Variants in ASCC3 observed in about 807,000 individuals in gnomAD.
ASCC3 encodes the protein activating signal cointegrator 1 complex subunit 3, also known as ASC-1 complex subunit P200.
Under a neutral mutation model 256.3 loss-of-function variants are expected in ASCC3, and 158 were observed. That is an observed-to-expected ratio of 0.62 (90% confidence interval 0.54 to 0.70). The LOEUF (loss-of-function observed/expected upper bound fraction) is 0.70. Among genes scored for constraint, ASCC3 ranks in the 30% least tolerant of loss-of-function variants. The pLI is 0.00. For synonymous variants in ASCC3, 948 were observed against 883.4 expected (o/e 1.07, Z -1.30); for missense variants, 2,259 against 2,626.0 (o/e 0.86, Z 3.05).
At chr6:100,720,779 T>C (rs192012680) in intron 11 of ASCC3, among the ~76,000 whole-genome samples, 135 of 150,346 alleles carry the variant, frequency 9.0e-4, no homozygotes, top group Middle Eastern at 7.1e-3. Context: ...GATTACAATA[T>C]ACAGATGACA....
chr6:100,559,473 T>C (rs1231978067), intron 36 of ASCC3, among the ~76,000 whole-genome samples: 1 of 152,200 alleles, frequency 6.6e-6, no homozygotes. Flanking sequence ...AAGGAGTTAA[T>C]ATTTTTTTGT....
intron 36 of ASCC3, among the ~76,000 whole-genome samples, chr6:100,583,156 G>C (rs945828087): frequency 6.6e-6 from 1 of 152,180 alleles, no homozygotes; most frequent in Non-Finnish European, 1.5e-5. Flanking sequence ...GTTTCAGAAG[G>C]AATGGTACCA....
At chr6:100,829,467 C>T (rs1005901792) in intron 4 of ASCC3, among the ~76,000 whole-genome samples, 1 of 152,114 alleles carries the variant, frequency 6.6e-6, no homozygotes, top group East Asian at 1.9e-4. Context: ...TGGCGGGGCT[C>T]GCCAGCCGTT....
chr6:100,828,663 G>C (rs1266771813), intron 4 of ASCC3, among the ~76,000 whole-genome samples: 1 of 152,148 alleles, frequency 6.6e-6, no homozygotes, highest in Non-Finnish European at 1.5e-5. Context: ...TTAAGGCGGT[G>C]CATCTGGAGT....
rs201240177 is a variant in ASCC3 at position 100,607,010 on chromosome 6, C to A, written c.4864G>T (p.Gly1622Ter). 11 of 1,613,632 alleles carry A rather than the reference C, an allele frequency of 6.8e-6. No individual in the cohort carries two copies. In the East Asian group the frequency reaches 2.5e-4, roughly 36 times the overall value. Residue 1622 changes from glycine (G) to a stop codon, truncating the protein, a stop_gained, in exon 31 of 42, where the codon GGA (glycine) becomes TGA (stop). Transcript: ENST00000369162. LOFTEE classifies it high-confidence loss of function. ...GTTTTTCGGTCCCTCTCATGTAGTCCAGCATGATGCATTCCTATCCCGAAA... is the reference window on the plus strand; with the variant it reads ...GTTTTTCGGTCCCTCTCATGTAGTCAAGCATGATGCATTCCTATCCCGAAA... Reference protein sequence around the residue: ...LAFGIGMHHAGLHERDRKTVE... With the variant: ...LAFGIGMHHA
intron 37 of ASCC3, among the ~76,000 whole-genome samples, chr6:100,532,830 A>C (rs1233862875): frequency 6.6e-6 from 1 of 152,176 alleles, no homozygotes; most frequent in Non-Finnish European, 1.5e-5. Flanking sequence ...CAAAAGAAAA[A>C]TCTGAAAATT....
At chr6:100,684,963 C>T (rs912481715) in intron 13 of ASCC3, among the ~76,000 whole-genome samples, 39 of 151,972 alleles carry the variant, frequency 2.6e-4, no homozygotes, top group African/African-American at 7.0e-4. Flanking sequence ...CCCGCCACCA[C>T]GCCCGGCTAA....
chr6:100,678,365 G>A (rs1777133444), intron 14 of ASCC3, among the ~76,000 whole-genome samples: 2 of 151,978 alleles, frequency 1.3e-5, no homozygotes, highest in Non-Finnish European at 2.9e-5. Flanking sequence ...TAAATAATTG[G>A]AAGGACACAA....
At chr6:100,510,472 T>A (rs1773706362) in intron 40 of ASCC3, among the ~76,000 whole-genome samples, 1 of 152,180 alleles carries the variant, frequency 6.6e-6, no homozygotes, top group Admixed American at 6.6e-5. Context: ...ATAACCATGT[T>A]AATCAAATCT....
chr6:100,518,743 CA>C (rs970689722), intron 37 of ASCC3, among the ~76,000 whole-genome samples: 3 of 152,018 alleles, frequency 2.0e-5, no homozygotes, highest in Non-Finnish European at 4.4e-5. Context: ...TATGGACAAA[CA>C]AAAGGCTGCA....
chr6:100,710,845 T>TA (rs1778821992), intron 13 of ASCC3, among the ~76,000 whole-genome samples: 1 of 152,148 alleles, frequency 6.6e-6, no homozygotes, highest in Non-Finnish European at 1.5e-5. Context: ...GCTAGAGTCA[T>TA]ATAACAAATA....
chr6:100,740,301 T>C (rs76052883), intron 10 of ASCC3, among the ~76,000 whole-genome samples: 39 of 152,332 alleles, frequency 2.6e-4, no homozygotes, highest in African/African-American at 6.7e-4. Context: ...GAAAGACTGT[T>C]GATTATGATT....
intron 37 of ASCC3, among the ~76,000 whole-genome samples, chr6:100,524,990 A>C (rs1299966462): frequency 6.6e-6 from 1 of 151,450 alleles, no homozygotes; most frequent in Non-Finnish European, 1.5e-5. Context: ...CCAGGAGTTC[A>C]AGACCAGCTT....
intron 40 of ASCC3, 117 bp from the exon 41 acceptor site, chr6:100,510,224 A>G: frequency 9.3e-7 from 1 of 1,074,398 alleles, no homozygotes; most frequent in Non-Finnish European, 1.4e-6. Flanking sequence ...AGTTCAGCAT[A>G]TCTATCTGAG....
chr6:100,725,408 T>G, intron 11 of ASCC3, 131 bp downstream of exon 11: 1 of 1,114,662 alleles, frequency 9.0e-7, no homozygotes, highest in Non-Finnish European at 1.3e-6. Flanking sequence ...CATTCCCCCT[T>G]TTAAAAATAT....
intron 16 of ASCC3, among the ~76,000 whole-genome samples, chr6:100,656,824 C>T (rs1210395665): frequency 6.6e-6 from 1 of 150,666 alleles, no homozygotes; most frequent in Non-Finnish European, 1.5e-5. Flanking sequence ...CGTTGTAAAA[C>T]TTCATAGTTG....
chr6:100,718,687 A>G (rs1321968049), intron 11 of ASCC3, among the ~76,000 whole-genome samples: 5 of 152,046 alleles, frequency 3.3e-5, no homozygotes, highest in South Asian at 2.1e-4. Flanking sequence ...TTGAGCCCAT[A>G]TGATCATGTC....
rs1194604917 is a variant in ASCC3 at position 100,601,925 on chromosome 6, C to T, written c.5188G>A (p.Val1730Met). Residue 1730 changes from valine (V) to methionine (M), a missense_variant, in exon 34 of 42, where the codon GTG (valine) becomes ATG (methionine). Around this residue, in one of 2 missense-constraint regions of ASCC3, gnomAD observed 1,839 missense variants for 2,206.7 expected, o/e 0.83. Coordinates refer to ENST00000369162, the MANE Select transcript of ASCC3 (RefSeq NM_006828.4). ...TCTGCATTTAAGTGGTCAGAGAGCA[C>T]TCCTAATAAACTATATAGTGAACAA... ...PFPVESSLLG[V>M]LSDHLNAEIA... 2 of 1,612,112 alleles carry T rather than the reference C, an allele frequency of 1.2e-6. No homozygotes were observed. The highest frequency in any genetic ancestry group is 1.7e-6 in the Non-Finnish European group (2 of 1,178,800).
chr6:100,803,844 C>T lies in ASCC3; in HGVS notation c.922+1916G>A, dbSNP rs9322216. ...AATCATAAATGTAAGAAAATGAGGA[C>T]GTAACTTACAAGAAGGATAGATGTT... On this transcript the variant is annotated intron_variant, in intron 5 of 41. Transcript: ENST00000369162. 5.3e-5 allele frequency among the ~76,000 whole-genome samples: 8 copies of T among 151,792 alleles called. No individual in the cohort carries two copies. In the East Asian group the frequency reaches 7.8e-4, roughly 15 times the overall value.
Sources: gnomAD v4.1 joint callset for allele counts (sites outside exome capture counted in the v4.1 genomes callset) on GRCh38, gnomAD v4.1.1 for gene constraint, gnomAD v4.1.1 regional missense constraint, MANE v1.5 for transcripts, NCBI Gene and HGNC (gene_info 2026-07-23, HGNC 2026-07-21) for gene names.